CRB1: variants seen among roughly 807,000 people sequenced by gnomAD.
The protein encoded by CRB1 is protein crumbs homolog 1.
CRB1 carries 83 observed loss-of-function variants against 120.0 expected under a neutral mutation model. The observed-to-expected ratio is 0.69, with a 90% CI of 0.58 to 0.83. The LOEUF (loss-of-function observed/expected upper bound fraction) is 0.83, where lower values mean the gene tolerates loss of function less well. CRB1 is among the 40% of genes least tolerant of loss of function. The probability of loss-of-function intolerance (pLI) is 0.00; values close to 1 mark genes in which losing one functional copy is unlikely to be tolerated. For missense variants in CRB1, 1,699 were observed against 1,687.6 expected, an observed-to-expected ratio of 1.01 and a Z score of -0.12; for synonymous variants, 625 against 612.5, an observed-to-expected ratio of 1.02 and a Z score of -0.30.
At chr1:197,348,096 T>C (rs571845535) in intron 4 of CRB1, among the ~76,000 whole-genome samples, 1 of 152,326 alleles carries the variant, frequency 6.6e-6, no homozygotes, top group Admixed American at 6.5e-5. Context: ...TAACAACATT[T>C]TGGTCAATGA....
intron 11 of CRB1, among the ~76,000 whole-genome samples, chr1:197,472,606 T>C (rs754897158): frequency 6.6e-6 from 1 of 152,192 alleles, no homozygotes; most frequent in Non-Finnish European, 1.5e-5. Flanking sequence ...CTAAATATCA[T>C]GAAAGATAGG....
At chr1:197,284,819 T>A (rs542583058) in intron 1 of CRB1, among the ~76,000 whole-genome samples, 5 of 151,380 alleles carry the variant, frequency 3.3e-5, no homozygotes, top group African/African-American at 1.2e-4. Flanking sequence ...TTTAAAAAAA[T>A]AATAGAACAA....
At chr1:197,253,105 A>G in the CRB1 span, among the ~76,000 whole-genome samples, 1 of 152,130 alleles carries the variant, frequency 6.6e-6, no homozygotes, top group South Asian at 2.1e-4. Flanking sequence ...TTGACTCTCT[A>G]AACTTTATGG....
intron 1 of CRB1, among the ~76,000 whole-genome samples, chr1:197,317,377 C>G (rs897660613): frequency 6.6e-6 from 1 of 152,126 alleles, no homozygotes; most frequent in African/African-American, 2.4e-5. Context: ...GAGATCACGC[C>G]TTTGCACTCC....
At chr1:197,268,787 C>T (rs543348822) in intron 1 of CRB1, among the ~76,000 whole-genome samples, 15 of 152,120 alleles carry the variant, frequency 9.9e-5, no homozygotes, top group African/African-American at 2.2e-4. Flanking sequence ...GTTGTGTTTA[C>T]GCTTTTACAA....
intron 11 of CRB1, among the ~76,000 whole-genome samples, chr1:197,469,666 A>C (rs1363886791): frequency 6.6e-6 from 1 of 152,230 alleles, no homozygotes; most frequent in Non-Finnish European, 1.5e-5. Flanking sequence ...ATGTCCACAC[A>C]GCTTTTCTGA....
chr1:197,326,513 C>A (rs915630119), intron 1 of CRB1, among the ~76,000 whole-genome samples: 1 of 152,022 alleles, frequency 6.6e-6, no homozygotes, highest in African/African-American at 2.4e-5. Context: ...CTTCTGTCAT[C>A]CCAGCTCTTT....
chr1:197,460,306 G>A (rs117068390), intron 11 of CRB1, among the ~76,000 whole-genome samples: 1 of 152,042 alleles, frequency 6.6e-6, no homozygotes, highest in Non-Finnish European at 1.5e-5. Context: ...AAATTTCTAA[G>A]TTGTGCAGAT....
At chr1:197,451,723 A>T (rs1369460392) in intron 11 of CRB1, among the ~76,000 whole-genome samples, 1 of 152,222 alleles carries the variant, frequency 6.6e-6, no homozygotes, top group Non-Finnish European at 1.5e-5. Flanking sequence ...GAATCGAGGC[A>T]TATAGCCAGA....
At chr1:197,377,562 G>A (rs186920492) in intron 5 of CRB1, among the ~76,000 whole-genome samples, 3 of 152,244 alleles carry the variant, frequency 2.0e-5, no homozygotes, top group East Asian at 1.9e-4. Flanking sequence ...TCTAATTATA[G>A]TGTATGCCAT....
chr1:197,216,850 A>G, the CRB1 span, among the ~76,000 whole-genome samples: 1 of 152,278 alleles, frequency 6.6e-6, no homozygotes, highest in East Asian at 1.9e-4. Flanking sequence ...TATGATCTTC[A>G]GAGAAAGACC....
chr1:197,418,239 C>A (rs1437606885), intron 5 of CRB1, among the ~76,000 whole-genome samples: 4 of 152,100 alleles, frequency 2.6e-5, no homozygotes, highest in Non-Finnish European at 5.9e-5. Context: ...TCTTCTAATA[C>A]AAAAGTTTCA....
the CRB1 span, among the ~76,000 whole-genome samples, chr1:197,246,780 T>C: frequency 6.6e-6 from 1 of 152,088 alleles, no homozygotes; most frequent in Admixed American, 6.6e-5. Context: ...ATACATATTG[T>C]CTACAGCTCC....
intron 2 of CRB1, among the ~76,000 whole-genome samples, chr1:197,336,479 C>T (rs780955109): frequency 3.3e-5 from 5 of 151,790 alleles, no homozygotes; most frequent in African/African-American, 4.8e-5. Context: ...TTTTTATATG[C>T]GCTTAATTAT....
At chr1:197,418,840 C>T (rs1346240899) in intron 5 of CRB1, among the ~76,000 whole-genome samples, 2 of 152,088 alleles carry the variant, frequency 1.3e-5, no homozygotes, top group Non-Finnish European at 2.9e-5. Flanking sequence ...TCATGGAAAG[C>T]ACAACTTGAT....
rs1313618814 is a variant in CRB1, at chr1:197,335,063, G to A, written c.652+6060G>A. On this transcript the variant is annotated intron_variant, in intron 2 of 11. Coordinates refer to ENST00000367400, the MANE Select transcript of CRB1 (RefSeq NM_201253.3). Reference sequence around the variant, plus strand: ...TGTGAATAAAGTTCTAAAGAGGAGAGGATGGGAACCAAGGAAATGTCTTGT... The same window carrying A: ...TGTGAATAAAGTTCTAAAGAGGAGAAGATGGGAACCAAGGAAATGTCTTGT... 6.6e-5 allele frequency among the ~76,000 whole-genome samples: 10 copies of A among 152,298 alleles called. No individual in the cohort carries two copies. In the East Asian group the frequency reaches 1.7e-3, roughly 26 times the overall value.
chr1:197,368,829 A>G (rs1661217159), intron 5 of CRB1, among the ~76,000 whole-genome samples: 1 of 152,214 alleles, frequency 6.6e-6, no homozygotes, highest in Non-Finnish European at 1.5e-5. Flanking sequence ...TTCTGAAACT[A>G]AAGAACAAAG....
At chr1:197,407,208 C>T (rs1663457080) in intron 5 of CRB1, among the ~76,000 whole-genome samples, 1 of 152,124 alleles carries the variant, frequency 6.6e-6, no homozygotes, top group Non-Finnish European at 1.5e-5. Flanking sequence ...TTTCTTGTTG[C>T]ATATTTAAGA....
chr1:197,291,534 T>A (rs1656183202), intron 1 of CRB1, among the ~76,000 whole-genome samples: 1 of 151,882 alleles, frequency 6.6e-6, no homozygotes, highest in Admixed American at 6.6e-5. Context: ...TTTATCTCAA[T>A]TCAATAATCA....
Sources: gnomAD v4.1 joint callset for allele counts (sites outside exome capture counted in the v4.1 genomes callset) on GRCh38, gnomAD v4.1.1 for gene constraint, MANE v1.5 for transcripts, NCBI Gene and HGNC (gene_info 2026-07-23, HGNC 2026-07-21) for gene names.